GRIP1: variants seen among roughly 807,000 people sequenced by gnomAD.
GRIP1 encodes the protein glutamate receptor interacting protein 1, also known as glutamate receptor-interacting protein 1.
GRIP1 carries 45 observed loss-of-function variants against 129.9 expected under a neutral mutation model. That is an observed-to-expected ratio of 0.35 (90% CI 0.27 to 0.44). The LOEUF (loss-of-function observed/expected upper bound fraction) is 0.44, where lower values mean the gene tolerates loss of function less well. Ranked by LOEUF, GRIP1 falls within the 20% of genes least tolerant of loss-of-function variation. GRIP1 has a pLI of 1.00. For synonymous variants in GRIP1, 530 were observed against 520.8 expected, an observed-to-expected ratio of 1.02 and a Z score of -0.24; for missense variants, 1,196 against 1,396.8, an observed-to-expected ratio of 0.86 and a Z score of 2.29.
At chr12:66,397,320 T>C (rs1171217399) in intron 16 of GRIP1, among the ~76,000 whole-genome samples, 1 of 151,792 alleles carries the variant, frequency 6.6e-6, no homozygotes, top group Non-Finnish European at 1.5e-5. Context: ...GAGATCACAC[T>C]GGCCAACATG....
chr12:66,529,716 T>G, intron 5 of GRIP1, 115 bp downstream of exon 5: 1 of 743,564 alleles, frequency 1.3e-6, no homozygotes, highest in Non-Finnish European at 2.4e-6. Flanking sequence ...CACCAAAATC[T>G]CACAAATCAC....
At chr12:66,851,450 G>C (rs1226988338) in intron 1 of GRIP1, among the ~76,000 whole-genome samples, 1 of 152,074 alleles carries the variant, frequency 6.6e-6, no homozygotes, top group African/African-American at 2.4e-5. Flanking sequence ...AATTACATTT[G>C]AAATTTATAT....
At chr12:66,658,450 T>C (rs1404826496) in intron 1 of GRIP1, among the ~76,000 whole-genome samples, 1 of 152,056 alleles carries the variant, frequency 6.6e-6, no homozygotes, top group Non-Finnish European at 1.5e-5. Context: ...GTGGATATGA[T>C]AAGCAACCAA....
chr12:66,405,555 G>A lies in GRIP1; in HGVS notation c.1984+728C>T, dbSNP rs147691113. The stretch of plus-strand genomic sequence containing the variant: ...CCCACCTGGGGTGGTGCCAGGATCT[G>A]TGTTTTAACAAGCTCTTCAGATATG... On this transcript the variant is annotated intron_variant, in intron 16 of 24. Transcript: ENST00000359742. Among the ~76,000 whole-genome samples, 14 of 152,276 alleles carry A rather than the reference G, an allele frequency of 9.2e-5. No homozygotes were observed. In the East Asian group the frequency reaches 1.7e-3, roughly 19 times the overall value.
At chr12:66,829,535 C>T (rs2039479200) in intron 1 of GRIP1, among the ~76,000 whole-genome samples, 1 of 152,148 alleles carries the variant, frequency 6.6e-6, no homozygotes, top group Non-Finnish European at 1.5e-5. Flanking sequence ...AACCCTTGAT[C>T]CTTCCTTTCT....
chr12:66,677,210 C>T (rs568659155), intron 1 of GRIP1, among the ~76,000 whole-genome samples: 1 of 152,158 alleles, frequency 6.6e-6, no homozygotes, highest in African/African-American at 2.4e-5. Context: ...ACACTTAAAT[C>T]TCCTTTCAAT....
At chr12:66,418,856 T>C (rs1565719334) in intron 15 of GRIP1, among the ~76,000 whole-genome samples, 1 of 152,270 alleles carries the variant, frequency 6.6e-6, no homozygotes, top group East Asian at 1.9e-4. Flanking sequence ...GAATGTAAAT[T>C]AGTACAAGCA....
intron 16 of GRIP1, among the ~76,000 whole-genome samples, chr12:66,394,929 CACTG>C (rs1281161018): frequency 1.3e-5 from 2 of 152,180 alleles, no homozygotes; most frequent in African/African-American, 2.4e-5. Context: ...GATATCATTC[CACTG>C]ACTGTCTTCT....
At chr12:66,706,863 T>C (rs2035546729) in intron 1 of GRIP1, among the ~76,000 whole-genome samples, 1 of 151,766 alleles carries the variant, frequency 6.6e-6, no homozygotes, top group South Asian at 2.1e-4. Flanking sequence ...CCAGGACCTA[T>C]TGGTGGGTGG....
At chr12:66,604,006 C>T (rs865889696) in intron 1 of GRIP1, among the ~76,000 whole-genome samples, 4 of 152,226 alleles carry the variant, frequency 2.6e-5, no homozygotes, top group Non-Finnish European at 2.9e-5. Context: ...TATTCTGCCT[C>T]ATGGCAGGGA....
At chr12:66,913,580 C>A (rs2041068416) in intron 1 of GRIP1, among the ~76,000 whole-genome samples, 1 of 152,150 alleles carries the variant, frequency 6.6e-6, no homozygotes, top group Non-Finnish European at 1.5e-5. Flanking sequence ...CATTGCTTAT[C>A]ATTGTTGGAG....
chr12:67,043,180 T>A (rs1411475477), intron 1 of GRIP1, among the ~76,000 whole-genome samples: 1 of 152,150 alleles, frequency 6.6e-6, no homozygotes, highest in East Asian at 1.9e-4. Flanking sequence ...ATCATTGAAA[T>A]TGATGTAGCA....
chr12:66,909,317 G>A (rs2040990519), intron 1 of GRIP1, among the ~76,000 whole-genome samples: 1 of 152,180 alleles, frequency 6.6e-6, no homozygotes, highest in African/African-American at 2.4e-5. Flanking sequence ...AATGAGAGAA[G>A]GTCATATGCC....
chr12:66,603,490 G>C (rs7968697), intron 1 of GRIP1, among the ~76,000 whole-genome samples: 2 of 152,042 alleles, frequency 1.3e-5, no homozygotes, highest in Non-Finnish European at 2.9e-5. Context: ...CCCCAACCCA[G>C]GGAATCAGAG....
At chr12:66,526,313 A>C (rs994395200) in intron 5 of GRIP1, among the ~76,000 whole-genome samples, 1 of 152,188 alleles carries the variant, frequency 6.6e-6, no homozygotes, top group Admixed American at 6.5e-5. Context: ...ACAGCATGGT[A>C]CTGGTACAAA....
At chr12:66,371,319 T>G (rs1019489072) in intron 23 of GRIP1, among the ~76,000 whole-genome samples, 25 of 152,032 alleles carry the variant, frequency 1.6e-4, no homozygotes, top group Non-Finnish European at 1.2e-4. Flanking sequence ...CCATCAAGCC[T>G]GGCTAATTTT....
At chr12:66,581,712 T>C (rs1372808464) in intron 2 of GRIP1, among the ~76,000 whole-genome samples, 1 of 152,036 alleles carries the variant, frequency 6.6e-6, no homozygotes, top group Non-Finnish European at 1.5e-5. Flanking sequence ...CAGGAAGAAG[T>C]TGAATCTCTG....
At chr12:66,923,906 G>A (rs764932485) in intron 1 of GRIP1, among the ~76,000 whole-genome samples, 13 of 152,018 alleles carry the variant, frequency 8.6e-5, no homozygotes, top group Non-Finnish European at 1.8e-4. Flanking sequence ...GTGTAATGGC[G>A]CCATCTCAGC....
At chr12:66,508,539 A>G (rs2060607020) in intron 7 of GRIP1, among the ~76,000 whole-genome samples, 1 of 152,124 alleles carries the variant, frequency 6.6e-6, no homozygotes, top group Admixed American at 6.6e-5. Flanking sequence ...TCCAAATAAG[A>G]ACAGGATGAA....
Sources: allele counts gnomAD v4.1 joint callset (sites outside exome capture counted in the v4.1 genomes callset), GRCh38; gene constraint gnomAD v4.1.1; transcripts MANE v1.5; gene names NCBI Gene and HGNC (gene_info 2026-07-23, HGNC 2026-07-21).